CEP97: variants seen among roughly 807,000 people sequenced by gnomAD.
CEP97 encodes centrosomal protein 97, also known as centrosomal protein of 97 kDa.
Under a neutral mutation model 73.1 loss-of-function variants are expected in CEP97, and 43 were observed. The observed-to-expected ratio is 0.59, with a 90% CI of 0.46 to 0.76. The LOEUF (loss-of-function observed/expected upper bound fraction) is 0.76. Among genes scored for constraint, CEP97 ranks in the 30% least tolerant of loss-of-function variants. The probability of loss-of-function intolerance (pLI) is 0.00; values close to 1 mark genes in which losing one functional copy is unlikely to be tolerated. For synonymous variants in CEP97, 337 were observed against 370.0 expected (o/e 0.91, Z 1.02); for missense variants, 939 against 1,014.0 (o/e 0.93, Z 1.00).
At chr3:101,731,500 C>T (rs895791700) in intron 4 of CEP97, among the ~76,000 whole-genome samples, 1 of 152,020 alleles carries the variant, frequency 6.6e-6, no homozygotes, top group Non-Finnish European at 1.5e-5. Context: ...CACACATGGC[C>T]TCTATTTTGA....
chr3:101,728,947 T>C lies in CEP97; in HGVS notation c.447+10T>C. The C allele has an allele frequency of 7.2e-7, 1 of 1,389,156 alleles. No individual in the cohort carries two copies. Among genetic ancestry groups the C allele is most frequent in the Non-Finnish European group, 1.0e-6 (1 of 981,566 alleles). The allele number at this position is 1,389,156 out of a possible 1,614,324, so 86.1% of individuals were successfully genotyped here. On this transcript the variant is annotated intron_variant, in intron 4 of 10. Transcript: ENST00000341893. ...ATTGGTATCCCTGAAAGTAAGTATGTTTTCTTTGTCATTTGTGAAGTTTTA... is the reference window on the plus strand; with the variant it reads ...ATTGGTATCCCTGAAAGTAAGTATGCTTTCTTTGTCATTTGTGAAGTTTTA...
At chr3:101,740,153 G>C (rs1411916799) in intron 6 of CEP97, among the ~76,000 whole-genome samples, 1 of 151,602 alleles carries the variant, frequency 6.6e-6, no homozygotes, top group Non-Finnish European at 1.5e-5. Context: ...AGAAATAAAG[G>C]GTATTCAGAT....
rs200968628 is a variant in CEP97, at chr3:101,755,427, C to A, written c.729-3C>A. On this transcript the variant is annotated splice_polypyrimidine_tract_variant and splice_region_variant and intron_variant, in intron 6 of 10. Coordinates refer to ENST00000341893, the MANE Select transcript of CEP97 (RefSeq NM_024548.4). ...TCCTCTTTTTTATGTTCCCCAATTC[C>A]AGTTTGAAAGCTGAATGGCTCTATA... 3.7e-6 allele frequency: 6 copies of A among 1,613,492 alleles called. No individual in the cohort carries two copies. The highest frequency in any genetic ancestry group is 5.1e-6 in the Non-Finnish European group (6 of 1,179,638).
At chr3:101,731,286 G>A (rs1219669706) in intron 4 of CEP97, among the ~76,000 whole-genome samples, 7 of 147,134 alleles carry the variant, frequency 4.8e-5, no homozygotes, top group African/African-American at 1.8e-4. Context: ...CTATAGCCTC[G>A]ACCTCCTGGG....
At chr3:101,750,959 T>C (rs1003930077) in intron 6 of CEP97, among the ~76,000 whole-genome samples, 1 of 152,184 alleles carries the variant, frequency 6.6e-6, no homozygotes, top group African/African-American at 2.4e-5. Context: ...TGCTAGCTTT[T>C]GAATGTGTTT....
At chr3:101,751,089 T>C (rs1237791302) in intron 6 of CEP97, among the ~76,000 whole-genome samples, 1 of 152,254 alleles carries the variant, frequency 6.6e-6, no homozygotes, top group African/African-American at 2.4e-5. Flanking sequence ...TTTGAATGTG[T>C]GCCAGAGATT....
chr3:101,763,148 T>C (rs1390371192), intron 10 of CEP97: 8 of 1,243,026 alleles, frequency 6.4e-6, no homozygotes, highest in Non-Finnish European at 8.4e-6. Context: ...GGTCTCAAAC[T>C]TCTGGGCTCA....
chr3:101,750,581 A>G (rs13065650), intron 6 of CEP97, among the ~76,000 whole-genome samples: 32,834 of 152,072 alleles, frequency 0.22, 4,017 homozygotes, highest in East Asian at 0.48. Context: ...TTATTGCCAC[A>G]ATTTCAGAGC....
intron 2 of CEP97, 61 bp downstream of exon 2, chr3:101,726,797 A>G (rs553742761): frequency 7.9e-7 from 1 of 1,273,652 alleles, no homozygotes; most frequent in African/African-American, 1.5e-5. Flanking sequence ...ACAAAACAAT[A>G]AAATAACCTG....
intron 4 of CEP97, among the ~76,000 whole-genome samples, chr3:101,730,297 G>C (rs1224437481): frequency 6.6e-6 from 1 of 150,986 alleles, no homozygotes; most frequent in African/African-American, 2.4e-5. Flanking sequence ...ACGGAGTTTT[G>C]CTCTGTTGCC....
At chr3:101,735,424 C>G (rs1239362960) in intron 6 of CEP97, among the ~76,000 whole-genome samples, 1 of 152,126 alleles carries the variant, frequency 6.6e-6, no homozygotes, top group Non-Finnish European at 1.5e-5. Context: ...TGAATAGCAA[C>G]AGCTCTGGTC....
rs757981286 is a variant in CEP97, at chr3:101,727,369, T to A, written c.187-14T>A. ...TGTTATTCCTAAAAATAACAATATG[T>A]TTCCTTTTTACAGTTATCAGTAGCT... On this transcript the variant is annotated splice_polypyrimidine_tract_variant and intron_variant, in intron 2 of 10. Transcript: ENST00000341893. The A allele has an allele frequency of 1.3e-6, 2 of 1,599,844 alleles. No individual in the cohort carries two copies. The highest frequency in any genetic ancestry group is 1.7e-6 in the Non-Finnish European group (2 of 1,172,242).
intron 6 of CEP97, among the ~76,000 whole-genome samples, chr3:101,749,457 G>A (rs1314343884): frequency 4.4e-4 from 59 of 133,702 alleles, no homozygotes; most frequent in African/African-American, 1.5e-3. Context: ...ATAAACATAC[G>A]TGTGCATGTG....
At chr3:101,727,772 T>C (rs1220879271) in intron 3 of CEP97, among the ~76,000 whole-genome samples, 1 of 152,152 alleles carries the variant, frequency 6.6e-6, no homozygotes, top group African/African-American at 2.4e-5. Flanking sequence ...GATCAAACCA[T>C]AGAGTGTTTA....
intron 6 of CEP97, among the ~76,000 whole-genome samples, chr3:101,752,906 T>G (rs1422169001): frequency 6.6e-6 from 1 of 152,228 alleles, no homozygotes; most frequent in East Asian, 1.9e-4. Flanking sequence ...TCAAAGTCAT[T>G]CTCCGTCCAG....
At chr3:101,749,683 C>G (rs1441514085) in intron 6 of CEP97, among the ~76,000 whole-genome samples, 2 of 146,352 alleles carry the variant, frequency 1.4e-5, no homozygotes, top group East Asian at 4.0e-4. Flanking sequence ...TAATGATTGC[C>G]ATTCTAACTG....
At chr3:101,761,618 C>A (rs1939179717) in intron 9 of CEP97, among the ~76,000 whole-genome samples, 1 of 152,050 alleles carries the variant, frequency 6.6e-6, no homozygotes, top group Admixed American at 6.6e-5. Context: ...TGATGTGTGA[C>A]AGGGAAAAAT....
intron 1 of CEP97, among the ~76,000 whole-genome samples, chr3:101,726,301 A>C (rs1937886622): frequency 6.6e-6 from 1 of 152,244 alleles, no homozygotes; most frequent in Admixed American, 6.5e-5. Context: ...TAGGCACAAC[A>C]AATGGAAGTA....
At chr3:101,749,989 C>T (rs937045904) in intron 6 of CEP97, among the ~76,000 whole-genome samples, 6 of 151,288 alleles carry the variant, frequency 4.0e-5, no homozygotes, top group African/African-American at 1.5e-4. Context: ...TGCAGAAGCT[C>T]TTTAGTTTAA....
Sources: allele counts gnomAD v4.1 joint callset (sites outside exome capture counted in the v4.1 genomes callset), GRCh38; gene constraint gnomAD v4.1.1; transcripts MANE v1.5; gene names NCBI Gene and HGNC (gene_info 2026-07-23, HGNC 2026-07-21).